Variants in HS6ST2 observed in about 807,000 individuals in gnomAD.
HS6ST2 encodes heparan-sulfate 6-O-sulfotransferase 2.
Under a neutral mutation model 33.0 loss-of-function variants are expected in HS6ST2, and 17 were observed. The ratio of observed to expected loss-of-function variants is 0.52; its 90% CI spans 0.35 to 0.77. The LOEUF (loss-of-function observed/expected upper bound fraction) is 0.77, where lower values mean the gene tolerates loss of function less well. Ranked by LOEUF, HS6ST2 falls within the 30% of genes least tolerant of loss-of-function variation. The pLI, the probability that HS6ST2 is intolerant of heterozygous loss-of-function variation, is 0.01. For missense variants in HS6ST2, 519 were observed against 551.7 expected, an observed-to-expected ratio of 0.94 and a Z score of 0.59; for synonymous variants, 248 against 237.1, an observed-to-expected ratio of 1.05 and a Z score of -0.42.
At chrX:132,762,977 T>C (rs998077137) in intron 2 of HS6ST2, among the ~76,000 whole-genome samples, 6 of 112,063 alleles carry the variant, frequency 5.4e-5, no homozygotes, top group Non-Finnish European at 1.1e-4. Flanking sequence ...ATTTTCCTCC[T>C]CTGTAAAATG....
At chrX:132,767,756 CT>C (rs1454520710) in intron 2 of HS6ST2, among the ~76,000 whole-genome samples, 2 of 111,011 alleles carry the variant, frequency 1.8e-5, no homozygotes, top group Admixed American at 1.9e-4. Context: ...TGCTCCTATG[CT>C]TTGCATGCTT....
intron 2 of HS6ST2, among the ~76,000 whole-genome samples, chrX:132,762,889 A>T (rs1310256724): frequency 9.0e-6 from 1 of 111,448 alleles, no homozygotes; most frequent in Non-Finnish European, 1.9e-5. Context: ...CTACTTTTCA[A>T]TTGACTCAGC....
At chrX:132,855,559 A>G (rs1295841756) in intron 2 of HS6ST2, among the ~76,000 whole-genome samples, 2 of 112,239 alleles carry the variant, frequency 1.8e-5, no homozygotes, top group Non-Finnish European at 1.9e-5. Flanking sequence ...TGCTATATCA[A>G]CACAAAATTC....
chrX:132,902,159 T>C (rs2066431740), intron 2 of HS6ST2, among the ~76,000 whole-genome samples: 1 of 108,195 alleles, frequency 9.2e-6, no homozygotes, highest in South Asian at 4.3e-4. Context: ...TGGAGTGCAG[T>C]TGTGTGATCT....
chrX:132,675,983 T>A (rs1000566219), intron 3 of HS6ST2, among the ~76,000 whole-genome samples: 4 of 111,124 alleles, frequency 3.6e-5, no homozygotes, highest in African/African-American at 1.3e-4. Context: ...AGCCAAAGTA[T>A]CCCAAGCTTC....
intron 4 of HS6ST2, among the ~76,000 whole-genome samples, chrX:132,652,579 A>G (rs2063701955): frequency 8.9e-6 from 1 of 111,845 alleles, no homozygotes; most frequent in South Asian, 3.8e-4. Context: ...AAGTATGCCA[A>G]AAATACAGGG....
intron 4 of HS6ST2, among the ~76,000 whole-genome samples, chrX:132,661,727 C>T (rs1016986062): frequency 6.3e-5 from 7 of 111,978 alleles, no homozygotes; most frequent in South Asian, 3.7e-4. Context: ...ATGGAAAGGA[C>T]GTACAACATC....
In HS6ST2 at chrX:132,651,651, A is replaced by G. The variant is rs535536610; in HGVS notation, c.1067+17462T>C. 7.2e-4 allele frequency among the ~76,000 whole-genome samples: 81 copies of G among 111,898 alleles called. 1 individual carries two copies. The South Asian group carries it at 0.03, about 41-fold the overall frequency. ...ATTTAGAGGCCTTTATTACTCTGTG[A>G]GTCACACATTTGGCTTATAGCAGGT... is the stretch of plus-strand genomic sequence containing the variant. On this transcript the variant is annotated intron_variant, in intron 4 of 4. Transcript: ENST00000370833.
At chrX:132,744,651 C>A (rs1317628339) in intron 2 of HS6ST2, among the ~76,000 whole-genome samples, 2 of 111,514 alleles carry the variant, frequency 1.8e-5, no homozygotes, top group Non-Finnish European at 3.8e-5. Context: ...TTGTTTTTTT[C>A]ACTCTATTGA....
intron 2 of HS6ST2, among the ~76,000 whole-genome samples, chrX:132,793,628 C>T (rs1356126684): frequency 8.9e-6 from 1 of 112,003 alleles, no homozygotes; most frequent in East Asian, 2.8e-4. Flanking sequence ...GGACTTATTA[C>T]ATTTAATAAT....
chrX:132,708,629 G>A, intron 2 of HS6ST2, 135 bp from the exon 3 acceptor site: 1 of 531,048 alleles, frequency 1.9e-6, no homozygotes. Context: ...GCTCATAGAT[G>A]GCTTCTCCAC....
chrX:132,694,344 A>G (rs904279933), intron 3 of HS6ST2, among the ~76,000 whole-genome samples: 1 of 111,944 alleles, frequency 8.9e-6, no homozygotes, highest in Non-Finnish European at 1.9e-5. Context: ...TGGAATGAAC[A>G]TAAGGACCCA....
intron 3 of HS6ST2, among the ~76,000 whole-genome samples, chrX:132,691,009 G>A (rs765924553): frequency 4.5e-5 from 5 of 111,857 alleles, no homozygotes; most frequent in African/African-American, 1.3e-4. Context: ...ATTATGCCAA[G>A]TGCCAAGGAT....
At chrX:132,734,412 A>G (rs2064488629) in intron 2 of HS6ST2, among the ~76,000 whole-genome samples, 1 of 111,078 alleles carries the variant, frequency 9.0e-6, no homozygotes, top group South Asian at 3.9e-4. Flanking sequence ...GCAGGAAAAA[A>G]AATCACAGAA....
chrX:132,742,083 A>G (rs1305765382), intron 2 of HS6ST2, among the ~76,000 whole-genome samples: 2 of 112,161 alleles, frequency 1.8e-5, no homozygotes, highest in African/African-American at 3.2e-5. Context: ...AAGAAAAAAG[A>G]CGTGCACATC....
At chrX:132,632,987 G>A (rs1211500905) in intron 4 of HS6ST2, among the ~76,000 whole-genome samples, 3 of 106,963 alleles carry the variant, frequency 2.8e-5, no homozygotes, top group African/African-American at 1.0e-4. Flanking sequence ...GAGGCGAGAG[G>A]ATCACTTGAG....
At chrX:132,721,954 C>G (rs983845565) in intron 2 of HS6ST2, among the ~76,000 whole-genome samples, 1 of 110,265 alleles carries the variant, frequency 9.1e-6, no homozygotes, top group Non-Finnish European at 1.9e-5. Context: ...TTTGGGAGGC[C>G]GAGACGGGCG....
intron 3 of HS6ST2, among the ~76,000 whole-genome samples, chrX:132,677,398 T>C (rs1326572949): frequency 5.3e-5 from 6 of 112,231 alleles, no homozygotes; most frequent in African/African-American, 1.9e-4. Flanking sequence ...TTTTCAAGAA[T>C]GTCCACTCTG....
chrX:132,770,318 G>A (rs754999961), intron 2 of HS6ST2, among the ~76,000 whole-genome samples: 4 of 111,295 alleles, frequency 3.6e-5, no homozygotes, highest in African/African-American at 6.5e-5. Flanking sequence ...ATTCCAGCTC[G>A]CACACACTTT....
Sources: allele counts gnomAD v4.1 joint callset (sites outside exome capture counted in the v4.1 genomes callset), GRCh38; gene constraint gnomAD v4.1.1; transcripts MANE v1.5; gene names NCBI Gene and HGNC (gene_info 2026-07-23, HGNC 2026-07-21).